SEZ6L: variants seen among roughly 807,000 people sequenced by gnomAD.
SEZ6L encodes the protein seizure 6-like protein.
A neutral mutation model predicts 106.2 loss-of-function variants in SEZ6L; 37 were observed. The ratio of observed to expected loss-of-function variants is 0.35; its 90% confidence interval spans 0.27 to 0.46. The LOEUF is 0.46. Among genes scored for constraint, SEZ6L ranks in the 20% least tolerant of loss-of-function variants. The probability of loss-of-function intolerance (pLI) is 1.00; values close to 1 mark genes in which losing one functional copy is unlikely to be tolerated. For missense variants in SEZ6L, 1,172 were observed against 1,332.8 expected (o/e 0.88, Z 1.88); for synonymous variants, 541 against 570.4 (o/e 0.95, Z 0.73).
intron 9 of SEZ6L, among the ~76,000 whole-genome samples, chr22:26,315,976 G>T (rs1488054473): frequency 6.6e-6 from 1 of 151,922 alleles, no homozygotes; most frequent in Non-Finnish European, 1.5e-5. Flanking sequence ...AATTACTTGA[G>T]CCCTGGAGTT....
intron 1 of SEZ6L, among the ~76,000 whole-genome samples, chr22:26,287,043 C>G (rs918673110): frequency 6.7e-6 from 1 of 149,666 alleles, no homozygotes; most frequent in Non-Finnish European, 1.5e-5. Flanking sequence ...CCACCATGCC[C>G]GGTCGAGCTT....
intron 14 of SEZ6L, 130 bp downstream of exon 14, chr22:26,373,613 A>G: frequency 1.3e-6 from 1 of 741,280 alleles, no homozygotes; most frequent in Non-Finnish European, 2.2e-6. Flanking sequence ...ACTGCCAAAG[A>G]TAATCTTAAA....
At chr22:26,203,479 T>TGTAG (rs1332911855) in intron 1 of SEZ6L, among the ~76,000 whole-genome samples, 1 of 152,160 alleles carries the variant, frequency 6.6e-6, no homozygotes, top group Non-Finnish European at 1.5e-5. Context: ...ATATAGAAGG[T>TGTAG]GTAGGTACAA....
At chr22:26,280,915 A>G (rs1000079757) in intron 1 of SEZ6L, among the ~76,000 whole-genome samples, 20 of 152,244 alleles carry the variant, frequency 1.3e-4, no homozygotes, top group African/African-American at 4.8e-4. Context: ...AAGAACACTT[A>G]TAATCTAATC....
rs1601411365 is a variant in SEZ6L at position 26,294,544 on chromosome 22, G to C, written c.969+119G>C. The stretch of plus-strand genomic sequence containing the variant: ...TTTGGTTCTGTCTTTGCCCAACCAG[G>C]CCAACTTTAGCTGGGTTTTGGCGAA... On this transcript the variant is annotated intron_variant, in intron 3 of 16. Coordinates refer to ENST00000248933, the MANE Select transcript of SEZ6L (RefSeq NM_021115.5). The C allele has an allele frequency of 3.2e-6, 3 of 950,594 alleles. No homozygotes were observed. The Admixed American group carries it at 7.1e-5, about 23-fold the overall frequency. 58.9% of individuals were successfully genotyped at this position (950,594 alleles called of 1,614,324 possible). A position where few individuals can be genotyped will look rare whatever the true frequency, so the allele number is the denominator to read the frequency against.
At chr22:26,350,674 T>TTTTTTG (rs1215003201) in intron 11 of SEZ6L, among the ~76,000 whole-genome samples, 1 of 149,044 alleles carries the variant, frequency 6.7e-6, no homozygotes, top group African/African-American at 2.5e-5. Context: ...TTTTTTTTTT[T>TTTTTTG]GAGATGGAGT....
At chr22:26,255,405 T>A (rs1452516771) in intron 1 of SEZ6L, among the ~76,000 whole-genome samples, 2 of 152,318 alleles carry the variant, frequency 1.3e-5, no homozygotes, top group East Asian at 3.9e-4. Flanking sequence ...GTGTAAACAT[T>A]AAACAATTTG....
chr22:26,223,906 G>T (rs141082881), intron 1 of SEZ6L, among the ~76,000 whole-genome samples: 2 of 152,220 alleles, frequency 1.3e-5, no homozygotes, highest in African/African-American at 4.8e-5. Context: ...GTACAGTCTG[G>T]ATCTGATAAT....
intron 10 of SEZ6L, among the ~76,000 whole-genome samples, chr22:26,341,414 C>T (rs1258580103): frequency 2.0e-5 from 3 of 152,182 alleles, no homozygotes; most frequent in African/African-American, 7.2e-5. Context: ...ACGACCCACC[C>T]CTTTTCAACC....
chr22:26,342,305 C>T (rs2082861212), intron 10 of SEZ6L, among the ~76,000 whole-genome samples: 1 of 152,058 alleles, frequency 6.6e-6, no homozygotes, highest in Non-Finnish European at 1.5e-5. Flanking sequence ...TTCATCCTAC[C>T]CAGCCCTCTG....
At chr22:26,246,418 G>A (rs561744320) in intron 1 of SEZ6L, among the ~76,000 whole-genome samples, 1 of 152,132 alleles carries the variant, frequency 6.6e-6, no homozygotes, top group South Asian at 2.1e-4. Context: ...GAAGAAAATG[G>A]GGCACACTGC....
At chr22:26,336,518 C>T (rs1364275560) in intron 9 of SEZ6L, among the ~76,000 whole-genome samples, 14 of 152,212 alleles carry the variant, frequency 9.2e-5, no homozygotes, top group Admixed American at 6.5e-4. Flanking sequence ...ATGCAATCAA[C>T]AGCCAAGTAT....
At chr22:26,323,167 G>A (rs538981826) in intron 9 of SEZ6L, among the ~76,000 whole-genome samples, 11 of 152,288 alleles carry the variant, frequency 7.2e-5, no homozygotes, top group African/African-American at 2.4e-4. Flanking sequence ...AGACATAAAA[G>A]CGCCTAGAGT....
intron 6 of SEZ6L, among the ~76,000 whole-genome samples, chr22:26,308,436 T>G (rs2081708101): frequency 1.3e-5 from 2 of 150,600 alleles, no homozygotes; most frequent in South Asian, 4.2e-4. Context: ...GCTACTTTTA[T>G]AGGCAATAGA....
At chr22:26,271,688 C>T (rs1286471113) in intron 1 of SEZ6L, among the ~76,000 whole-genome samples, 1 of 152,190 alleles carries the variant, frequency 6.6e-6, no homozygotes, top group Non-Finnish European at 1.5e-5. Flanking sequence ...GCTTCATCTT[C>T]TGCCGTGATT....
In SEZ6L at chr22:26,310,094, T is replaced by A. The variant is rs577394140; in HGVS notation, c.1515-576T>A. Among the ~76,000 whole-genome samples, 119 of 152,372 alleles carry A rather than the reference T, an allele frequency of 7.8e-4. 2 individuals carry two copies. Among genetic ancestry groups the A allele is most frequent in the Middle Eastern group, 6.8e-3 (2 of 294 alleles). ...ATAATAATAGTCAACATCAATTCAT[T>A]AGTTCGTCGTTTGGTTTATTACATC... On this transcript the variant is annotated intron_variant, in intron 6 of 16. Transcript: ENST00000248933.
intron 1 of SEZ6L, among the ~76,000 whole-genome samples, chr22:26,174,576 G>T (rs1005604738): frequency 7.9e-5 from 12 of 152,188 alleles, no homozygotes; most frequent in African/African-American, 2.9e-4. Context: ...TCTCAGAAGG[G>T]AGCGAGGCCC....
chr22:26,238,939 G>C (rs1189827792), intron 1 of SEZ6L, among the ~76,000 whole-genome samples: 3 of 152,206 alleles, frequency 2.0e-5, no homozygotes, highest in African/African-American at 7.2e-5. Context: ...AAGTGTAACT[G>C]GGCCTCTACA....
chr22:26,277,269 G>C (rs529001351), intron 1 of SEZ6L, among the ~76,000 whole-genome samples: 1 of 152,094 alleles, frequency 6.6e-6, no homozygotes, highest in Non-Finnish European at 1.5e-5. Context: ...CAGACTGAAA[G>C]AATCTTTTCT....
Sources: allele counts gnomAD v4.1 joint callset (sites outside exome capture counted in the v4.1 genomes callset), GRCh38; gene constraint gnomAD v4.1.1; transcripts MANE v1.5; gene names NCBI Gene and HGNC (gene_info 2026-07-23, HGNC 2026-07-21).